ADAMTS16: variants seen among roughly 807,000 people sequenced by gnomAD.
The protein encoded by ADAMTS16 is A disintegrin and metalloproteinase with thrombospondin motifs 16.
ADAMTS16 carries 94 observed loss-of-function variants against 145.8 expected under a neutral mutation model. The observed-to-expected ratio is 0.64, with a 90% CI of 0.55 to 0.77. The LOEUF (loss-of-function observed/expected upper bound fraction) is 0.77. Among genes scored for constraint, ADAMTS16 ranks in the 30% least tolerant of loss-of-function variants. The probability of loss-of-function intolerance (pLI) is 0.00; values close to 1 mark genes in which losing one functional copy is unlikely to be tolerated. For missense variants in ADAMTS16, 1,585 were observed against 1,591.5 expected (o/e 1.00, Z 0.07); for synonymous variants, 659 against 604.3 (o/e 1.09, Z -1.33).
At chr5:5,208,525 T>C (rs1425168913) in intron 9 of ADAMTS16, among the ~76,000 whole-genome samples, 1 of 152,222 alleles carries the variant, frequency 6.6e-6, no homozygotes, top group Non-Finnish European at 1.5e-5. Flanking sequence ...CAAGGTTAAT[T>C]TTCTGCTTGA....
intron 17 of ADAMTS16, among the ~76,000 whole-genome samples, chr5:5,256,222 C>T (rs185195986): frequency 3.7e-4 from 57 of 152,286 alleles, no homozygotes; most frequent in African/African-American, 1.3e-3. Flanking sequence ...TTTTAGTTGT[C>T]ATGATAATTG....
rs1360937432 is a variant in ADAMTS16, at chr5:5,206,701, C to T, written c.1452-2392C>T. Among the ~76,000 whole-genome samples the T allele has an allele frequency of 1.6e-4, 25 of 152,046 alleles. 1 individual carries two copies. Among genetic ancestry groups the T allele is most frequent in the East Asian group, 2.0e-4 (1 of 5,098 alleles). ...TTCATCATGTTAGCCAGGCTGGTCT[C>T]GAACTCCCGACCTCAACTGATCCAC... On this transcript the variant is annotated intron_variant, in intron 9 of 22. Coordinates refer to ENST00000274181, the MANE Select transcript of ADAMTS16 (RefSeq NM_139056.4).
chr5:5,204,215 C>A (rs960540343), intron 9 of ADAMTS16, among the ~76,000 whole-genome samples: 3 of 152,152 alleles, frequency 2.0e-5, no homozygotes, highest in Admixed American at 6.5e-5. Flanking sequence ...ACTAAAAGAT[C>A]TCTCAAGCTC....
At chr5:5,225,877 T>C (rs1244411779) in intron 11 of ADAMTS16, among the ~76,000 whole-genome samples, 1 of 152,088 alleles carries the variant, frequency 6.6e-6, no homozygotes, top group Non-Finnish European at 1.5e-5. Context: ...CACATGGTCA[T>C]GGTGAAATTA....
chr5:5,242,133 C>G lies in ADAMTS16; in HGVS notation c.2604C>G (p.Ala868=), dbSNP rs758083573. 1.2e-6 allele frequency: 2 copies of G among 1,614,104 alleles called. No homozygotes were observed. The highest frequency in any genetic ancestry group is 1.3e-5 in the African/African-American group (1 of 74,932). The change falls in exon 17 of 23, where the codon GCC becomes GCG. Residue 868 remains alanine (A), a synonymous_variant. Coordinates refer to ENST00000274181, the MANE Select transcript of ADAMTS16 (RefSeq NM_139056.4). The part of the protein sequence containing the change: ...PRLGTEKQPP[A]QPSYTWAIVR... ...TGGGGACCGAGAAGCAGCCCCCTGC[C>G]CAGCCCAGCTACACTTGGGCCATCG... is the stretch of plus-strand genomic sequence containing the variant.
intron 9 of ADAMTS16, among the ~76,000 whole-genome samples, chr5:5,203,834 T>C (rs1272944443): frequency 6.6e-6 from 1 of 152,152 alleles, no homozygotes; most frequent in Non-Finnish European, 1.5e-5. Context: ...CATCAAAGCA[T>C]GAGAAAGGTG....
chr5:5,286,809 G>A (rs1739121187), intron 18 of ADAMTS16, among the ~76,000 whole-genome samples: 1 of 129,298 alleles, frequency 7.7e-6, no homozygotes, highest in Admixed American at 9.6e-5. Context: ...AGTGAGCCGA[G>A]ATAGTGCCAC....
intron 14 of ADAMTS16, among the ~76,000 whole-genome samples, chr5:5,237,341 C>T (rs1453991359): frequency 6.6e-6 from 1 of 152,048 alleles, no homozygotes; most frequent in Non-Finnish European, 1.5e-5. Context: ...CTGGGACATT[C>T]GTGGGGCTCC....
At chr5:5,144,192 A>G (rs1734237411) in intron 2 of ADAMTS16, among the ~76,000 whole-genome samples, 1 of 152,092 alleles carries the variant, frequency 6.6e-6, no homozygotes, top group South Asian at 2.1e-4. Flanking sequence ...TATAAAATAG[A>G]ATTGTGCTAG....
At chr5:5,264,424 A>C (rs1052675851) in intron 18 of ADAMTS16, among the ~76,000 whole-genome samples, 1 of 152,230 alleles carries the variant, frequency 6.6e-6, no homozygotes, top group African/African-American at 2.4e-5. Flanking sequence ...ATACATTTTG[A>C]TAAAGATCCA....
At chr5:5,191,640 TA>T (rs1315291797) in intron 7 of ADAMTS16, 44 bp from the exon 8 acceptor site, 1 of 1,486,220 alleles carries the variant, frequency 6.7e-7, no homozygotes, top group Non-Finnish European at 9.4e-7. Flanking sequence ...TGCTTTATTT[TA>T]TTACAACACC....
intron 8 of ADAMTS16, among the ~76,000 whole-genome samples, chr5:5,194,047 A>G (rs1302346702): frequency 1.3e-5 from 2 of 152,164 alleles, no homozygotes; most frequent in African/African-American, 4.8e-5. Flanking sequence ...GGCTGCAGTC[A>G]GTTGAGATTG....
intron 3 of ADAMTS16, among the ~76,000 whole-genome samples, chr5:5,169,526 C>A (rs1055647881): frequency 2.6e-5 from 4 of 152,188 alleles, no homozygotes; most frequent in Non-Finnish European, 4.4e-5. Flanking sequence ...TGTATTATCA[C>A]CTTCCTTGAG....
intron 3 of ADAMTS16, among the ~76,000 whole-genome samples, chr5:5,154,238 G>A (rs1437558476): frequency 6.6e-6 from 1 of 152,196 alleles, no homozygotes; most frequent in African/African-American, 2.4e-5. Flanking sequence ...GGCATAAGCA[G>A]ATGAAAATGT....
chr5:5,271,465 C>T (rs1398160830), intron 18 of ADAMTS16, among the ~76,000 whole-genome samples: 3 of 152,286 alleles, frequency 2.0e-5, no homozygotes, highest in Admixed American at 2.0e-4. Context: ...AGACAAGCAG[C>T]CTACGGCCCT....
intron 7 of ADAMTS16, among the ~76,000 whole-genome samples, chr5:5,190,831 T>C (rs1178593777): frequency 6.6e-6 from 1 of 152,138 alleles, no homozygotes; most frequent in Non-Finnish European, 1.5e-5. Flanking sequence ...CCCAGTTGGC[T>C]CTTGGCTGGA....
chr5:5,151,259 G>A (rs1350831006), intron 3 of ADAMTS16, among the ~76,000 whole-genome samples: 1 of 144,724 alleles, frequency 6.9e-6, no homozygotes, highest in Non-Finnish European at 1.5e-5. Flanking sequence ...TATTTATTGA[G>A]CTGGAGTCTC....
intron 17 of ADAMTS16, among the ~76,000 whole-genome samples, chr5:5,246,258 C>T (rs1737435126): frequency 6.6e-6 from 1 of 152,190 alleles, no homozygotes; most frequent in African/African-American, 2.4e-5. Context: ...AATTGTCCAA[C>T]ATGTATGCTG....
intron 17 of ADAMTS16, among the ~76,000 whole-genome samples, chr5:5,261,721 T>A (rs1360692056): frequency 1.3e-5 from 2 of 152,178 alleles, no homozygotes; most frequent in African/African-American, 4.8e-5. Context: ...CCTGACCTCG[T>A]GATCCACCCG....
Sources: allele counts gnomAD v4.1 joint callset (sites outside exome capture counted in the v4.1 genomes callset), GRCh38; gene constraint gnomAD v4.1.1; transcripts MANE v1.5; gene names NCBI Gene and HGNC (gene_info 2026-07-23, HGNC 2026-07-21).